The following TEK variants were observed in gnomAD, a reference collection of about 807,000 sequenced individuals.
TEK encodes TEK receptor tyrosine kinase.
In TEK, 43 loss-of-function variants were observed where a neutral mutation model predicts 131.8. That is an observed-to-expected ratio of 0.33 (90% confidence interval 0.26 to 0.42). The LOEUF is 0.42. Ranked by LOEUF, TEK falls within the 10% of genes least tolerant of loss-of-function variation. The pLI is 1.00. For missense variants in TEK, 1,162 were observed against 1,384.4 expected (o/e 0.84, Z 2.55); for synonymous variants, 580 against 491.6 (o/e 1.18, Z -2.38).
At chr9:27,207,684 A>C (rs1443110585) in intron 15 of TEK, among the ~76,000 whole-genome samples, 2 of 152,188 alleles carry the variant, frequency 1.3e-5, no homozygotes, top group Non-Finnish European at 2.9e-5. Context: ...AAAGCAGAGA[A>C]TATGATGAAC....
rs774683911 is a variant in TEK at position 27,209,152 on chromosome 9, T to C, written c.2607T>C (p.Phe869=). The C allele has an allele frequency of 8.1e-6, 13 of 1,614,080 alleles. No homozygotes were observed. In the South Asian group the frequency reaches 1.3e-4, roughly 16 times the overall value. The stretch of plus-strand genomic sequence containing the variant: ...CCTCCAAAGATGATCACAGGGACTT[T>C]GCAGGAGAACTGGAAGTTCTTTGTA... The part of the protein sequence containing the change: ...EYASKDDHRD[F]AGELEVLCKL... The change falls in exon 16 of 23, where the codon TTT becomes TTC. Residue 869 remains phenylalanine, a synonymous_variant. Coordinates refer to ENST00000380036, the MANE Select transcript of TEK (RefSeq NM_000459.5).
intron 13 of TEK, among the ~76,000 whole-genome samples, chr9:27,204,445 TAAAAC>T (rs1388645235): frequency 6.6e-6 from 1 of 152,156 alleles, no homozygotes; most frequent in Non-Finnish European, 1.5e-5. Context: ...ATTAACTCAT[TAAAAC>T]AAGACAAACA....
At chr9:27,194,712 T>A (rs1824944938) in intron 11 of TEK, among the ~76,000 whole-genome samples, 1 of 152,002 alleles carries the variant, frequency 6.6e-6, no homozygotes, top group African/African-American at 2.4e-5. Context: ...AGCCAGGAGG[T>A]CTCTCAGAAT....
intron 21 of TEK, among the ~76,000 whole-genome samples, chr9:27,224,513 T>C (rs950478229): frequency 2.0e-5 from 3 of 151,984 alleles, no homozygotes; most frequent in South Asian, 2.1e-4. Context: ...AAAAACCACA[T>C]GTATCTCAAT....
intron 1 of TEK, among the ~76,000 whole-genome samples, chr9:27,138,038 C>T (rs1443585415): frequency 4.6e-5 from 7 of 152,076 alleles, no homozygotes; most frequent in East Asian, 3.9e-4. Flanking sequence ...TGTTACAGCT[C>T]TTAAAGGTGG....
In TEK at chr9:27,109,598, C is replaced by G; in HGVS notation, c.8C>G (p.Ser3Cys). ...GGAGAGATTTGGGGAAGCATGGACT[C>G]TTTAGCCAGCTTAGTTCTCTGTGGA... The part of the protein sequence containing the change: MD[S>C]LASLVLCGVS... Residue 3 changes from serine (S) to cysteine (C), a missense_variant, in exon 1 of 23, where the codon TCT (serine) becomes TGT (cysteine). By Grantham distance (112) the Ser-to-Cys change is moderately radical. Coordinates refer to ENST00000380036, the MANE Select transcript of TEK (RefSeq NM_000459.5). The G allele has an allele frequency of 6.2e-7, 1 of 1,614,140 alleles. No homozygotes were observed. The highest frequency in any genetic ancestry group is 8.5e-7 in the Non-Finnish European group (1 of 1,180,010).
intron 17 of TEK, 60 bp from the exon 18 acceptor site, chr9:27,213,424 A>T (rs1381801119): frequency 1.6e-6 from 2 of 1,267,736 alleles, no homozygotes; most frequent in East Asian, 4.7e-5. Context: ...TGTTCCCCAA[A>T]GTTTTCAGCC....
At chr9:27,140,643 G>T (rs1822691648) in intron 1 of TEK, among the ~76,000 whole-genome samples, 1 of 151,854 alleles carries the variant, frequency 6.6e-6, no homozygotes, top group South Asian at 2.1e-4. Context: ...CTTACATAAA[G>T]ATATACATAT....
intron 11 of TEK, among the ~76,000 whole-genome samples, chr9:27,195,269 TGG>T (rs1467944911): frequency 2.0e-5 from 3 of 152,080 alleles, no homozygotes; most frequent in Non-Finnish European, 2.9e-5. Flanking sequence ...ACCAGGCTGG[TGG>T]GACTTAATTC....
intron 1 of TEK, among the ~76,000 whole-genome samples, chr9:27,139,254 A>G (rs2027124): frequency 0.46 from 56,595 of 123,360 alleles, 14,714 homozygotes; most frequent in Non-Finnish European, 0.52. Flanking sequence ...TTATTGTCTA[A>G]AAATCCTGTC....
Position 27,173,319 on chromosome 9 carries a change from G to T in TEK, c.858G>T (p.Gly286=), listed in dbSNP as rs747484849. Residue 286 remains glycine, a synonymous_variant, in exon 6 of 23, where the codon GGG becomes GGT. Transcript: ENST00000380036. The part of the protein sequence containing the change: ...SYVFCLPDPY[G]CSCATGWKGL... The stretch of plus-strand genomic sequence containing the variant: ...TGTTCTGTCTCCCTGACCCCTATGG[G>T]TGTTCCTGTGCCACAGGCTGGAAGG... 4.3e-6 allele frequency: 7 copies of T among 1,614,058 alleles called. No homozygotes were observed. In the Admixed American group the frequency reaches 1.0e-4, roughly 23 times the overall value.
chr9:27,109,868 G>C (rs928323278), intron 1 of TEK, among the ~76,000 whole-genome samples: 1 of 152,100 alleles, frequency 6.6e-6, no homozygotes, highest in Non-Finnish European at 1.5e-5. Context: ...ATTGGCCCCT[G>C]TGTTAGAAAC....
At chr9:27,228,055 G>A (rs1366983430) in intron 21 of TEK, 151 bp from the exon 22 acceptor site, 2 of 583,214 alleles carry the variant, frequency 3.4e-6, no homozygotes, top group East Asian at 3.0e-5. Context: ...TTAGGGAGGT[G>A]GGAGTCCTCA....
At chr9:27,152,455 A>T (rs1249506489) in intron 1 of TEK, among the ~76,000 whole-genome samples, 1 of 151,610 alleles carries the variant, frequency 6.6e-6, no homozygotes, top group Non-Finnish European at 1.5e-5. Context: ...GTTGTGCTGC[A>T]GTGGAGTGTA....
At chr9:27,206,943 G>A in intron 15 of TEK, 151 bp downstream of exon 15, 1 of 874,264 alleles carries the variant, frequency 1.1e-6, no homozygotes, top group Non-Finnish European at 1.8e-6. Context: ...TTCCTTTGAA[G>A]TTGAGCCTGT....
At chr9:27,161,103 G>T (rs762393600) in intron 2 of TEK, among the ~76,000 whole-genome samples, 51 of 152,176 alleles carry the variant, frequency 3.4e-4, no homozygotes, top group Admixed American at 1.2e-3. Context: ...AAGCAAACTG[G>T]ACCAGAACAT....
Position 27,183,580 on chromosome 9 carries a change from C to T in TEK, c.1152C>T (p.Thr384=), listed in dbSNP as rs1415110136. 3 of 1,613,828 alleles carry T rather than the reference C, an allele frequency of 1.9e-6. No individual in the cohort carries two copies. Among genetic ancestry groups the T allele is most frequent in the Middle Eastern group, 1.7e-4 (1 of 6,056 alleles). The change falls in exon 8 of 23, where the codon ACC becomes ACT. Residue 384 remains threonine, a synonymous_variant. Coordinates refer to ENST00000380036, the MANE Select transcript of TEK (RefSeq NM_000459.5). Reference sequence around the variant, plus strand: ...CGCTACCTACTAATGAAGAAATGACCCTGGTGAAGCCGGATGGGACAGTGC... The same window carrying T: ...CGCTACCTACTAATGAAGAAATGACTCTGGTGAAGCCGGATGGGACAGTGC... ...GWPLPTNEEM[T]LVKPDGTVLH...
intron 6 of TEK, among the ~76,000 whole-genome samples, chr9:27,176,023 A>G (rs1009872608): frequency 2.6e-5 from 4 of 152,184 alleles, no homozygotes; most frequent in Non-Finnish European, 5.9e-5. Context: ...CTGGCTCAAG[A>G]AATCACCAAG....
chr9:27,170,020 G>A (rs1416241322), intron 4 of TEK, among the ~76,000 whole-genome samples: 1 of 152,088 alleles, frequency 6.6e-6, no homozygotes, highest in Non-Finnish European at 1.5e-5. Context: ...AATATGGCTG[G>A]GGAGACATCA....
Sources: gnomAD v4.1 joint callset for allele counts (sites outside exome capture counted in the v4.1 genomes callset) on GRCh38, gnomAD v4.1.1 for gene constraint, MANE v1.5 for transcripts, NCBI Gene and HGNC (gene_info 2026-07-23, HGNC 2026-07-21) for gene names.